DCAF4: variants seen among roughly 807,000 people sequenced by gnomAD.
DCAF4 encodes DDB1- and CUL4-associated factor 4.
DCAF4 carries 37 observed loss-of-function variants against 60.9 expected under a neutral mutation model. The observed-to-expected ratio is 0.61, with a 90% confidence interval of 0.47 to 0.80. DCAF4 has a LOEUF of 0.80. Among genes scored for constraint, DCAF4 ranks in the 30% least tolerant of loss-of-function variants. The pLI is 0.00. For missense variants in DCAF4, 577 were observed against 650.0 expected, an observed-to-expected ratio of 0.89 and a Z score of 1.22; for synonymous variants, 243 against 254.8, an observed-to-expected ratio of 0.95 and a Z score of 0.44.
chr14:72,953,904 T>C (rs1891920408), intron 9 of DCAF4, among the ~76,000 whole-genome samples: 1 of 148,908 alleles, frequency 6.7e-6, no homozygotes, highest in Non-Finnish European at 1.5e-5. Flanking sequence ...CCTCCAACAG[T>C]ATACTACCTC....
At chr14:72,941,645 C>A in intron 4 of DCAF4, 100 bp from the exon 5 acceptor site, 1 of 1,128,960 alleles carries the variant, frequency 8.9e-7, no homozygotes, top group Non-Finnish European at 1.3e-6. Flanking sequence ...AATTTAGTGC[C>A]TGTTTCCTTC....
chr14:72,945,342 A>T (rs1010617183), intron 6 of DCAF4, among the ~76,000 whole-genome samples: 1 of 152,056 alleles, frequency 6.6e-6, no homozygotes, highest in Non-Finnish European at 1.5e-5. Flanking sequence ...ATCATAAGCC[A>T]TGATCATGCT....
At chr14:72,941,683 C>A in intron 4 of DCAF4, 62 bp from the exon 5 acceptor site, 1 of 1,499,874 alleles carries the variant, frequency 6.7e-7, no homozygotes, top group Non-Finnish European at 9.2e-7. Context: ...TAAAAACATT[C>A]TCCATCATCC....
At position 72,954,422 on chromosome 14, in the gene DCAF4, C is replaced by T. The variant is rs1043558488; in HGVS notation, c.944C>T (p.Thr315Met). The T allele has an allele frequency of 4.3e-6, 7 of 1,614,184 alleles. No individual in the cohort carries two copies. Among genetic ancestry groups the T allele is most frequent in the East Asian group, 2.2e-5 (1 of 44,874 alleles). ...CGGGTCCTGTTGACCAACGTGGTGA[C>T]GGGACACCGGCAGTCCTTTGGGACC... ...SRRVLLTNVV[T>M]GHRQSFGTNS... Residue 315 changes from threonine (T) to methionine (M), a missense_variant, in exon 11 of 14, where the codon ACG becomes ATG. Coordinates refer to ENST00000358377, the MANE Select transcript of DCAF4 (RefSeq NM_015604.4).
Position 72,946,036 on chromosome 14 carries a change from C to CCCAT in DCAF4, c.678+12_678+15dup, listed in dbSNP as rs1398984611. On this transcript the variant is annotated intron_variant, in intron 7 of 13. Transcript: ENST00000358377. Reference sequence around the variant, plus strand: ...ACTTCACCAACCGGAAGGTACGTTGCCCATCCCTGTAGCCTCTCTGCACAC... The same window carrying CCCAT: ...ACTTCACCAACCGGAAGGTACGTTGCCCATCCATCCCTGTAGCCTCTCTGCACAC... 5 of 1,613,296 alleles carry CCCAT rather than the reference C, an allele frequency of 3.1e-6. No homozygotes were observed. In the South Asian group the frequency reaches 4.4e-5, roughly 14 times the overall value.
intron 1 of DCAF4, chr14:72,929,675 C>T (rs879763941): frequency 2.2e-5 from 30 of 1,349,224 alleles, no homozygotes; most frequent in Non-Finnish European, 2.9e-5. Flanking sequence ...CCTCCCGCTT[C>T]CTCTTGGCAC....
At chr14:72,954,627 T>TAAGGGTGTCTGAGCC (rs1892032433) in intron 11 of DCAF4, 144 bp downstream of exon 11, 1 of 803,538 alleles carries the variant, frequency 1.2e-6, no homozygotes, top group Admixed American at 2.6e-5. Flanking sequence ...GGTTCCTTTG[T>TAAGGGTGTCTGAGCC]AAGGGTGTCT....
intron 8 of DCAF4, among the ~76,000 whole-genome samples, chr14:72,949,109 T>C (rs2806039): frequency 0.76 from 115,522 of 152,024 alleles, 44,423 homozygotes; most frequent in Admixed American, 0.84. Context: ...TGGAGCTTAC[T>C]ACCCAGAGCG....
chr14:72,940,129 C>T, intron 3 of DCAF4, 91 bp from the exon 4 acceptor site: 1 of 1,522,870 alleles, frequency 6.6e-7, no homozygotes, highest in East Asian at 2.3e-5. Flanking sequence ...GACAGGCAGC[C>T]ACGAGGTGGG....
At chr14:72,946,649 T>C (rs1890779130) in intron 7 of DCAF4, among the ~76,000 whole-genome samples, 1 of 152,144 alleles carries the variant, frequency 6.6e-6, no homozygotes. Context: ...GGTCCTGCCC[T>C]GTGTGTCAGA....
intron 1 of DCAF4, among the ~76,000 whole-genome samples, chr14:72,930,110 G>C (rs937514591): frequency 3.3e-5 from 5 of 152,250 alleles, no homozygotes; most frequent in South Asian, 4.1e-4. Context: ...CAGCCAAAAG[G>C]GGGGTAGGAG....
At chr14:72,940,450 G>A (rs1889879913) in intron 4 of DCAF4, 73 bp downstream of exon 4, 1 of 1,487,412 alleles carries the variant, frequency 6.7e-7, no homozygotes, top group African/African-American at 1.4e-5. Flanking sequence ...GTTGAAAAGG[G>A]TGCCAATTAG....
intron 9 of DCAF4, among the ~76,000 whole-genome samples, chr14:72,953,732 A>AAAAATATATATATATATAT (rs1555527852): frequency 9.2e-5 from 2 of 21,766 alleles, no homozygotes; most frequent in Non-Finnish European, 7.4e-5. Context: ...AAAAAAAAAA[A>AAAAATATATATATATATAT]ATATATATAT....
chr14:72,961,435 C>T (rs1892816156), downstream of DCAF4, among the ~76,000 whole-genome samples: 1 of 152,224 alleles, frequency 6.6e-6, no homozygotes, highest in African/African-American at 2.4e-5. Context: ...CTGGGCCACT[C>T]CTCTACTCAC....
At position 72,946,660 on chromosome 14, in the gene DCAF4, G is replaced by C. The variant is rs79278829; in HGVS notation, c.679-482G>C. On this transcript the variant is annotated intron_variant, in intron 7 of 13. Coordinates refer to ENST00000358377, the MANE Select transcript of DCAF4 (RefSeq NM_015604.4). ...GAGGGGTCCTGCCCTGTGTGTCAGA[G>C]TGATGCGTCATCCAGCCAGGCCGCA... Among the ~76,000 whole-genome samples the C allele has an allele frequency of 7.5e-3, 1,147 of 152,316 alleles. 14 individuals are homozygous for C. Among genetic ancestry groups the C allele is most frequent in the African/African-American group, 0.026 (1,088 of 41,566 alleles).
chr14:72,956,555 C>T lies in DCAF4; in HGVS notation c.1294+55C>T, dbSNP rs776334041. On this transcript the variant is annotated intron_variant, in intron 13 of 13. Transcript: ENST00000358377. ...CCCATCAAATACTGTCTCTCAGGGG[C>T]GATCCCAGCAACTTCAGCAGCAGAG... 13 of 1,519,232 alleles carry T rather than the reference C, an allele frequency of 8.6e-6. No homozygotes were observed. In the South Asian group the frequency reaches 1.1e-4, roughly 13 times the overall value. 94.1% of individuals were successfully genotyped at this position (1,519,232 alleles called of 1,614,324 possible). A position where few individuals can be genotyped will look rare whatever the true frequency, so the allele number is the denominator to read the frequency against.
At position 72,941,748 on chromosome 14, in the gene DCAF4, G is replaced by A; in HGVS notation, c.355G>A (p.Ala119Thr). Reference sequence around the variant, plus strand: ...CTCTTTTTTGTAATAAATATAGATTGCCAGGATGGGATTTAATGCATCTTC... The same window carrying A: ...CTCTTTTTTGTAATAAATATAGATTACCAGGATGGGATTTAATGCATCTTC... Reference protein sequence around the residue: ...LQEEDRRKKIARMGFNASSML... With the variant: ...LQEEDRRKKITRMGFNASSML... Residue 119 changes from alanine (A) to threonine (T), a missense_variant, in exon 5 of 14, where the codon GCC (alanine) becomes ACC (threonine). Ala to Thr is a moderately conservative substitution (Grantham distance 58, BLOSUM62 0). Coordinates refer to ENST00000358377, the MANE Select transcript of DCAF4 (RefSeq NM_015604.4). 6.2e-7 allele frequency: 1 copy of A among 1,613,562 alleles called. No homozygotes were observed. Among genetic ancestry groups the A allele is most frequent in the South Asian group, 1.1e-5 (1 of 90,902 alleles).
chr14:72,947,917 T>C lies in DCAF4; in HGVS notation c.728+726T>C, dbSNP rs545280076. On this transcript the variant is annotated intron_variant, in intron 8 of 13. Coordinates refer to ENST00000358377, the MANE Select transcript of DCAF4 (RefSeq NM_015604.4). ...CTGGGACCCTTGGGGGCTGTTGATA[T>C]GGCACAAGACTTGACTCACCCAAAA... is the stretch of plus-strand genomic sequence containing the variant. 8.5e-5 allele frequency among the ~76,000 whole-genome samples: 13 copies of C among 152,316 alleles called. No individual in the cohort carries two copies. In the South Asian group the frequency reaches 2.5e-3, roughly 29 times the overall value.
At chr14:72,952,642 A>G (rs536693158) in intron 9 of DCAF4, among the ~76,000 whole-genome samples, 1 of 148,660 alleles carries the variant, frequency 6.7e-6, no homozygotes, top group Non-Finnish European at 1.5e-5. Flanking sequence ...TGGGAAAGGG[A>G]TGTGAGGGAG....
Sources: allele counts gnomAD v4.1 joint callset (sites outside exome capture counted in the v4.1 genomes callset), GRCh38; gene constraint gnomAD v4.1.1; transcripts MANE v1.5; gene names NCBI Gene and HGNC (gene_info 2026-07-23, HGNC 2026-07-21).